STK32B: variants seen among roughly 807,000 people sequenced by gnomAD.
STK32B encodes the protein serine/threonine-protein kinase 32B.
A neutral mutation model predicts 52.6 loss-of-function variants in STK32B; 43 were observed. The observed-to-expected ratio is 0.82, with a 90% CI of 0.64 to 1.05. The LOEUF (loss-of-function observed/expected upper bound fraction) is 1.05. Among genes scored for constraint, STK32B ranks in the 50% least tolerant of loss-of-function variants. The probability of loss-of-function intolerance (pLI) is 0.00; values close to 1 mark genes in which losing one functional copy is unlikely to be tolerated. For missense variants in STK32B, 621 were observed against 534.6 expected (o/e 1.16, Z -1.59); for synonymous variants, 238 against 204.3 (o/e 1.17, Z -1.41).
chr4:5,031,542 T>C, the STK32B span, among the ~76,000 whole-genome samples: 7 of 151,016 alleles, frequency 4.6e-5, no homozygotes, highest in Admixed American at 2.6e-4. Flanking sequence ...GAGGCTGGAG[T>C]GAGCAGTGAT....
rs561391191 is a variant in STK32B at position 5,245,768 on chromosome 4, G to C, written c.260+77318G>C. ...CAGGAGCTCTTTTAGGGCAGGCCTGGTGGTGACACAATCTCTCAGCATTTG... is the reference window on the plus strand; with the variant it reads ...CAGGAGCTCTTTTAGGGCAGGCCTGCTGGTGACACAATCTCTCAGCATTTG... On this transcript the variant is annotated intron_variant, in intron 3 of 11. Coordinates refer to ENST00000282908, the MANE Select transcript of STK32B (RefSeq NM_018401.3). 1.1e-3 allele frequency among the ~76,000 whole-genome samples: 165 copies of C among 152,222 alleles called. 2 individuals carry two copies. The highest frequency in any genetic ancestry group is 3.6e-3 in the African/African-American group (149 of 41,526).
chr4:5,390,608 G>A (rs1736537170), intron 4 of STK32B, among the ~76,000 whole-genome samples: 1 of 152,088 alleles, frequency 6.6e-6, no homozygotes, highest in African/African-American at 2.4e-5. Context: ...GTGTGTACCT[G>A]GTCTCCTGGC....
intron 3 of STK32B, among the ~76,000 whole-genome samples, chr4:5,257,831 T>A (rs376957024): frequency 7.9e-5 from 12 of 152,370 alleles, no homozygotes; most frequent in African/African-American, 2.4e-4. Context: ...TAATCCCAGC[T>A]ACTCGGGAGG....
chr4:5,174,830 T>G (rs1719701110), intron 3 of STK32B, among the ~76,000 whole-genome samples: 2 of 152,360 alleles, frequency 1.3e-5, no homozygotes, highest in Middle Eastern at 3.4e-3. Flanking sequence ...CTGTGTTTCC[T>G]GAATTTGAAT....
At chr4:5,169,823 C>G (rs1719215285) in intron 3 of STK32B, among the ~76,000 whole-genome samples, 1 of 152,078 alleles carries the variant, frequency 6.6e-6, no homozygotes, top group South Asian at 2.1e-4. Context: ...CGTCAGAAAA[C>G]AAAAATTACC....
At chr4:5,437,933 C>T in intron 6 of STK32B, 1 of 985,470 alleles carries the variant, frequency 1.0e-6, no homozygotes, top group Non-Finnish European at 1.2e-6. Flanking sequence ...CCATCAGCTC[C>T]AAGTGTGTGG....
intron 4 of STK32B, among the ~76,000 whole-genome samples, chr4:5,381,931 C>T (rs930808879): frequency 1.1e-4 from 17 of 151,942 alleles, no homozygotes; most frequent in African/African-American, 2.4e-4. Context: ...TTGGCTTATG[C>T]GATCATGGAG....
At chr4:5,255,172 A>T (rs1283831449) in intron 3 of STK32B, among the ~76,000 whole-genome samples, 2 of 152,188 alleles carry the variant, frequency 1.3e-5, no homozygotes, top group East Asian at 3.8e-4. Flanking sequence ...AATGCTCTAA[A>T]GGAAATGAAC....
the STK32B span, among the ~76,000 whole-genome samples, chr4:5,021,918 G>A: frequency 6.6e-6 from 1 of 152,126 alleles, no homozygotes; most frequent in East Asian, 1.9e-4. Context: ...TGTGCACTGG[G>A]CCAGGTGCAA....
At position 5,467,931 on chromosome 4, in the gene STK32B, T is replaced by C; in HGVS notation, c.1042-75T>C. ...GGTTTCCATCTAGGTCAGTCTGCCG[T>C]CCTGTGATGCTCCATTACCGCGCGT... On this transcript the variant is annotated intron_variant, in intron 10 of 11. Transcript: ENST00000282908. This position sits in a 1 kb window ranked among gnomAD's most constrained non-coding sequence, Gnocchi z 5.8. The C allele has an allele frequency of 6.5e-7, 1 of 1,546,446 alleles. No homozygotes were observed.
intron 3 of STK32B, among the ~76,000 whole-genome samples, chr4:5,188,890 C>A (rs1446791308): frequency 6.6e-6 from 1 of 150,924 alleles, no homozygotes; most frequent in Admixed American, 6.6e-5. Flanking sequence ...GGAGGAATAG[C>A]GTTAGGAGAA....
intron 3 of STK32B, among the ~76,000 whole-genome samples, chr4:5,176,129 C>G (rs564251853): frequency 6.6e-6 from 1 of 152,164 alleles, no homozygotes; most frequent in South Asian, 2.1e-4. Flanking sequence ...CCTGGTGTGC[C>G]GTTTGTTGCG....
intron 11 of STK32B, among the ~76,000 whole-genome samples, chr4:5,490,088 T>C (rs898004177): frequency 1.3e-5 from 2 of 150,840 alleles, no homozygotes; most frequent in African/African-American, 4.9e-5. Flanking sequence ...AATTTTAAGA[T>C]CTTTTTGTTG....
At chr4:5,339,165 A>C (rs562319684) in intron 4 of STK32B, among the ~76,000 whole-genome samples, 34 of 152,290 alleles carry the variant, frequency 2.2e-4, no homozygotes, top group Non-Finnish European at 4.0e-4. Flanking sequence ...CCAATTTCTC[A>C]GGCCTTCATA....
rs78795367 is a variant in STK32B, at chr4:5,399,928, G to C, written c.472+1684G>C. ...AAGAGGTGAGAAAACACAGAGGCTG[G>C]TTCTGCTTAGCTGTCTGGAAAGCAG... On this transcript the variant is annotated intron_variant, in intron 5 of 11. Transcript: ENST00000282908. This position sits in a 1 kb window ranked among gnomAD's most constrained non-coding sequence, Gnocchi z 5.4. 6.6e-6 allele frequency among the ~76,000 whole-genome samples: 1 copy of C among 152,094 alleles called. No individual in the cohort carries two copies. Among genetic ancestry groups the C allele is most frequent in the African/African-American group, 2.4e-5 (1 of 41,364 alleles).
At chr4:5,437,347 C>T (rs1477807861) in intron 6 of STK32B, among the ~76,000 whole-genome samples, 17 of 152,232 alleles carry the variant, frequency 1.1e-4, no homozygotes, top group Non-Finnish European at 1.5e-5. Context: ...CCCTCAGAAG[C>T]CACGGGAGGA....
intron 11 of STK32B, among the ~76,000 whole-genome samples, chr4:5,481,165 T>A (rs1667728562): frequency 6.6e-6 from 1 of 152,218 alleles, no homozygotes; most frequent in Admixed American, 6.5e-5. Context: ...GACACTGACT[T>A]GCACAATGGT....
the STK32B span, among the ~76,000 whole-genome samples, chr4:5,027,229 A>G: frequency 2.0e-5 from 3 of 152,222 alleles, no homozygotes; most frequent in Non-Finnish European, 4.4e-5. Flanking sequence ...CATGGCCCAG[A>G]GTGAAGGAAT....
the STK32B span, among the ~76,000 whole-genome samples, chr4:5,028,543 A>G: frequency 3.9e-5 from 6 of 152,186 alleles, no homozygotes; most frequent in Admixed American, 3.3e-4. Flanking sequence ...TACATGCTCT[A>G]TGATGCTATT....
Sources: gnomAD v4.1 joint callset for allele counts (sites outside exome capture counted in the v4.1 genomes callset) on GRCh38, gnomAD v4.1.1 for gene constraint, Gnocchi (gnomAD v3.1) non-coding constraint, MANE v1.5 for transcripts, NCBI Gene and HGNC (gene_info 2026-07-23, HGNC 2026-07-21) for gene names.